The following HTATIP2 variants were observed in gnomAD, a reference collection of about 807,000 sequenced individuals.
HTATIP2 encodes protein HTATIP2.
HTATIP2 carries 26 observed loss-of-function variants against 24.7 expected under a neutral mutation model. The ratio of observed to expected loss-of-function variants is 1.05; its 90% CI spans 0.77 to 1.46. The LOEUF is 1.46. HTATIP2 is among the 40% of genes most tolerant of loss of function. The pLI is 0.00. For synonymous variants in HTATIP2, 99 were observed against 113.2 expected (o/e 0.87, Z 0.79); for missense variants, 284 against 289.6 (o/e 0.98, Z 0.14).
At chr11:20,379,664 C>T (rs1848491595) in intron 3 of HTATIP2, among the ~76,000 whole-genome samples, 1 of 152,122 alleles carries the variant, frequency 6.6e-6, no homozygotes, top group Non-Finnish European at 1.5e-5. Flanking sequence ...GGATGTGGAG[C>T]CCAGAGTACT....
At chr11:20,365,902 T>C (rs2064696447) in intron 1 of HTATIP2, among the ~76,000 whole-genome samples, 1 of 142,374 alleles carries the variant, frequency 7.0e-6, no homozygotes, top group African/African-American at 2.7e-5. Flanking sequence ...ACCCAGGAGA[T>C]GGAGGTTGCA....
chr11:20,363,783 G>A lies in HTATIP2; in HGVS notation c.-455G>A, dbSNP rs2064659286. The A allele has an allele frequency of 1.6e-6, 2 of 1,240,966 alleles. No homozygotes were observed. Among genetic ancestry groups the A allele is most frequent in the Non-Finnish European group, 2.0e-6 (2 of 987,884 alleles). The allele number at this position is 1,240,966 out of a possible 1,614,324, so 76.9% of individuals were successfully genotyped here. ...TGTCTCCGTCGCCTCCAACCCCCCC[G>A]GTCCGACCAGGGAAGGTGGGATGCT... On this transcript the variant is annotated 5_prime_UTR_variant, in exon 1 of 5. Coordinates refer to ENST00000451739, the MANE Select transcript of HTATIP2 (RefSeq NM_001098522.2).
chr11:20,367,638 A>G (rs2064725561), intron 2 of HTATIP2: 1 of 1,242,410 alleles, frequency 8.0e-7, no homozygotes, highest in Non-Finnish European at 1.0e-6. Flanking sequence ...CCCCTTAATA[A>G]ATGTTTGAAA....
Position 20,383,543 on chromosome 11 carries a change from G to C in HTATIP2, c.*338G>C, listed in dbSNP as rs1848553565. 3.9e-6 allele frequency: 1 copy of C among 258,704 alleles called. No homozygotes were observed. Among genetic ancestry groups the C allele is most frequent in the African/African-American group, 2.3e-5 (1 of 44,368 alleles). 16.0% of individuals were successfully genotyped at this position (258,704 alleles called of 1,614,324 possible). ...TGCCACTGGCTGGGGGGCCTGCTTT[G>C]AAATGCTTGTCTGCAGAGTCACAGC... On this transcript the variant is annotated 3_prime_UTR_variant, in exon 5 of 5. Coordinates refer to ENST00000451739, the MANE Select transcript of HTATIP2 (RefSeq NM_001098522.2).
chr11:20,380,111 T>G (rs979969786), intron 3 of HTATIP2, among the ~76,000 whole-genome samples: 1 of 152,188 alleles, frequency 6.6e-6, no homozygotes, highest in Non-Finnish European at 1.5e-5. Flanking sequence ...GGGAGCCAGT[T>G]ACATAGGCAC....
At chr11:20,365,013 TCACTCTGTC>T (rs1303995057) in intron 1 of HTATIP2, among the ~76,000 whole-genome samples, 1 of 146,172 alleles carries the variant, frequency 6.8e-6, no homozygotes, top group Non-Finnish European at 1.5e-5. Context: ...AGACGGAGTC[TCACTCTGTC>T]CCCCAGGCTG....
chr11:20,370,630 G>C (rs947089911), intron 2 of HTATIP2, among the ~76,000 whole-genome samples: 1 of 152,166 alleles, frequency 6.6e-6, no homozygotes, highest in Non-Finnish European at 1.5e-5. Flanking sequence ...TGTACACCCT[G>C]TGAGCTAAGA....
intron 3 of HTATIP2, among the ~76,000 whole-genome samples, chr11:20,379,564 T>C: frequency 6.6e-6 from 1 of 152,218 alleles, no homozygotes; most frequent in African/African-American, 2.4e-5. Flanking sequence ...GAAGTTTCAA[T>C]TGCATTCATT....
At chr11:20,381,290 ATT>A (rs1220611192) in intron 3 of HTATIP2, among the ~76,000 whole-genome samples, 1 of 152,098 alleles carries the variant, frequency 6.6e-6, no homozygotes, top group Non-Finnish European at 1.5e-5. Flanking sequence ...AAATACAAAA[ATT>A]AGCCAGGCAT....
intron 2 of HTATIP2, among the ~76,000 whole-genome samples, chr11:20,373,434 G>C (rs1030132563): frequency 6.6e-6 from 1 of 152,146 alleles, no homozygotes; most frequent in Admixed American, 6.5e-5. Context: ...ATAAATTAGG[G>C]TCTCAGTTTA....
At position 20,367,370 on chromosome 11, in the gene HTATIP2, G is replaced by T. The variant is rs759876870; in HGVS notation, c.303+89G>T. On this transcript the variant is annotated intron_variant, in intron 2 of 4. Coordinates refer to ENST00000451739, the MANE Select transcript of HTATIP2 (RefSeq NM_001098522.2). ...CTCACTCTTTTTCTTTGTGCCTGTT[G>T]CAATGCTTAAATGTGAATAAGCCTT... is the stretch of plus-strand genomic sequence containing the variant. 3.8e-6 allele frequency: 6 copies of T among 1,599,802 alleles called. No individual in the cohort carries two copies. The African/African-American group carries it at 8.0e-5, about 21-fold the overall frequency.
Position 20,364,149 on chromosome 11 carries a change from A to G in HTATIP2, c.-89A>G, listed in dbSNP as rs2064667059. On this transcript the variant is annotated 5_prime_UTR_variant, in exon 1 of 5. It removes the in-frame stop codon of an upstream open reading frame in the 5' UTR. Transcript: ENST00000451739. ...TGCGGAGAACAATATCCTCCTCCCT[A>G]ACAGATAAACAGCCCTTGTTCCTCG... The G allele has an allele frequency of 2.7e-6, 4 of 1,495,952 alleles. No homozygotes were observed. The South Asian group carries it at 4.1e-5, about 15-fold the overall frequency. 92.7% of individuals were successfully genotyped at this position (1,495,952 alleles called of 1,614,324 possible).
rs545577233 is a variant in HTATIP2, at chr11:20,372,621, C to T, written c.304-3959C>T. On this transcript the variant is annotated intron_variant, in intron 2 of 4. Coordinates refer to ENST00000451739, the MANE Select transcript of HTATIP2 (RefSeq NM_001098522.2). Reference sequence around the variant, plus strand: ...CACATTGGCTATGGAATCATAAAGACAGAATGACATGTGGACTTAATACTC... The same window carrying T: ...CACATTGGCTATGGAATCATAAAGATAGAATGACATGTGGACTTAATACTC... 2.0e-5 allele frequency among the ~76,000 whole-genome samples: 3 copies of T among 152,266 alleles called. No homozygotes were observed. In the East Asian group the frequency reaches 5.8e-4, roughly 29 times the overall value.
At chr11:20,374,557 G>A (rs1476066804) in intron 2 of HTATIP2, among the ~76,000 whole-genome samples, 1 of 152,164 alleles carries the variant, frequency 6.6e-6, no homozygotes, top group African/African-American at 2.4e-5. Flanking sequence ...TGTGGTAGCT[G>A]AGCCCTTCTT....
chr11:20,382,842 TAGACACCTTG>T (rs920740657), intron 4 of HTATIP2, 128 bp from the exon 5 acceptor site: 13 of 22,816 alleles, frequency 5.7e-4, no homozygotes, highest in African/African-American at 1.5e-3. Flanking sequence ...TCTTCAAATA[TAGACACCTTG>T]GGGATTAGGG....
chr11:20,383,694 ACTT>A lies in HTATIP2; in HGVS notation c.*493_*495del, dbSNP rs1247001989. 2 of 158,566 alleles carry A rather than the reference ACTT, an allele frequency of 1.3e-5. No homozygotes were observed. Among genetic ancestry groups the A allele is most frequent in the African/African-American group, 2.4e-5 (1 of 41,478 alleles). The allele number at this position is 158,566 out of a possible 1,614,324, so 9.8% of individuals were successfully genotyped here. ...TGTAAGTAAACATTGTGCCTTTACT[ACTT>A]CTTTATGTAATAGAAGTTATATACC... On this transcript the variant is annotated 3_prime_UTR_variant, in exon 5 of 5. Coordinates refer to ENST00000451739, the MANE Select transcript of HTATIP2 (RefSeq NM_001098522.2).
At chr11:20,376,180 C>T (rs940406418) in intron 2 of HTATIP2, 41 of 199,884 alleles carry the variant, frequency 2.1e-4, no homozygotes, top group Admixed American at 1.2e-4. Context: ...CTCACCCATA[C>T]TCGGAGACCC....
At chr11:20,382,692 C>A (rs796356516) in intron 4 of HTATIP2, among the ~76,000 whole-genome samples, 2 of 152,314 alleles carry the variant, frequency 1.3e-5, no homozygotes, top group African/African-American at 4.8e-5. Flanking sequence ...AGTGTCCTCA[C>A]ATGGCCTTTC....
At chr11:20,369,507 G>A (rs924008102) in intron 2 of HTATIP2, among the ~76,000 whole-genome samples, 5 of 152,164 alleles carry the variant, frequency 3.3e-5, no homozygotes, top group Admixed American at 6.5e-5. Flanking sequence ...CAACAGAAAC[G>A]TATTGTCTCA....
Sources: allele counts gnomAD v4.1 joint callset (sites outside exome capture counted in the v4.1 genomes callset), GRCh38; gene constraint gnomAD v4.1.1; transcripts MANE v1.5; gene names NCBI Gene and HGNC (gene_info 2026-07-23, HGNC 2026-07-21).